MACROD1: variants seen among roughly 807,000 people sequenced by gnomAD.
MACROD1 encodes ADP-ribose glycohydrolase MACROD1.
MACROD1 carries 31 observed loss-of-function variants against 41.4 expected under a neutral mutation model. That is an observed-to-expected ratio of 0.75 (90% CI 0.56 to 1.01). MACROD1 has a LOEUF of 1.01. Among genes scored for constraint, MACROD1 ranks in the 50% least tolerant of loss-of-function variants. The pLI is 0.00. For synonymous variants in MACROD1, 252 were observed against 203.4 expected (o/e 1.24, Z -2.03); for missense variants, 473 against 460.0 (o/e 1.03, Z -0.26).
intron 1 of MACROD1, among the ~76,000 whole-genome samples, chr11:64,160,558 G>A (rs113956637): frequency 8.5e-5 from 13 of 152,212 alleles, no homozygotes; most frequent in Admixed American, 2.0e-4. Flanking sequence ...TAATCTCAGC[G>A]CTAGCACTTT....
chr11:64,011,584 G>T (rs1030793423), intron 4 of MACROD1, among the ~76,000 whole-genome samples: 1 of 151,960 alleles, frequency 6.6e-6, no homozygotes, highest in South Asian at 2.1e-4. Flanking sequence ...CCTGCCCTCG[G>T]GGGAGTCCAT....
At chr11:64,133,866 G>C (rs1365758561) in intron 3 of MACROD1, among the ~76,000 whole-genome samples, 2 of 152,230 alleles carry the variant, frequency 1.3e-5, no homozygotes, top group East Asian at 3.8e-4. Flanking sequence ...GACTACATGG[G>C]AGCGACAGCA....
chr11:64,159,254 G>A (rs1008972136), intron 1 of MACROD1, among the ~76,000 whole-genome samples: 3 of 150,282 alleles, frequency 2.0e-5, no homozygotes, highest in Non-Finnish European at 2.9e-5. Flanking sequence ...AGAAGGCGGA[G>A]GTTGCAGCGA....
intron 3 of MACROD1, among the ~76,000 whole-genome samples, chr11:64,142,118 AG>A (rs1193888757): frequency 6.6e-6 from 1 of 152,112 alleles, no homozygotes; most frequent in African/African-American, 2.4e-5. Flanking sequence ...TCAGGCCTAG[AG>A]GGGTGGGGTA....
chr11:64,023,409 G>T (rs1476231066), intron 3 of MACROD1, among the ~76,000 whole-genome samples: 1 of 152,120 alleles, frequency 6.6e-6, no homozygotes, highest in African/African-American at 2.4e-5. Flanking sequence ...TGAGGCCCTT[G>T]TGAGGCATAG....
At chr11:64,103,507 A>T (rs1443880192) in intron 3 of MACROD1, 1 of 151,728 alleles carries the variant, frequency 6.6e-6, no homozygotes, top group East Asian at 1.9e-4. Context: ...GAGCCTTTGG[A>T]GAGTGGCTCC....
rs1944575183 is a variant in MACROD1, at chr11:64,096,305, T to A, written c.517+54934A>T. ...CCGGCCTTGGCTGGTGGCGCCAGGT[T>A]CATCACCCCGAGCTTCCTCTAGGCT... On this transcript the variant is annotated intron_variant, in intron 3 of 10. Coordinates refer to ENST00000255681, the MANE Select transcript of MACROD1 (RefSeq NM_014067.4). The surrounding 1 kb of genome is among the most constrained non-coding windows in gnomAD (Gnocchi z 4.6). Among the ~76,000 whole-genome samples, 1 of 152,188 alleles carries A rather than the reference T, an allele frequency of 6.6e-6. No individual in the cohort carries two copies. Among genetic ancestry groups the A allele is most frequent in the African/African-American group, 2.4e-5 (1 of 41,456 alleles).
At chr11:64,095,253 C>T (rs755430827) in intron 3 of MACROD1, among the ~76,000 whole-genome samples, 5 of 152,164 alleles carry the variant, frequency 3.3e-5, no homozygotes, top group African/African-American at 7.2e-5. Flanking sequence ...GTCTCTCAGG[C>T]GCACTTTAAG....
intron 3 of MACROD1, among the ~76,000 whole-genome samples, chr11:64,113,884 AT>A (rs1944913297): frequency 6.1e-5 from 9 of 146,632 alleles, no homozygotes; most frequent in South Asian, 2.3e-4. Flanking sequence ...GGATGGATGG[AT>A]GGATGGATGG....
At chr11:64,066,933 G>T (rs1444545670) in intron 3 of MACROD1, among the ~76,000 whole-genome samples, 1 of 152,206 alleles carries the variant, frequency 6.6e-6, no homozygotes, top group Admixed American at 6.5e-5. Context: ...CCCAGCCCAG[G>T]TGCTGCCCGC....
chr11:64,044,531 G>A (rs1212647682), intron 3 of MACROD1, among the ~76,000 whole-genome samples: 2 of 152,138 alleles, frequency 1.3e-5, no homozygotes, highest in Non-Finnish European at 2.9e-5. Context: ...GAGACACTGC[G>A]CCTGCTCTCC....
chr11:64,143,753 T>TACACACACACACACACACACACAC (rs55995667), intron 3 of MACROD1, among the ~76,000 whole-genome samples: 7 of 101,670 alleles, frequency 6.9e-5, no homozygotes, highest in Admixed American at 3.2e-4. Flanking sequence ...GACACACACA[T>TACACACACACACACACACACACAC]ACACACACAC....
At chr11:64,159,727 G>A (rs1444724046) in intron 1 of MACROD1, among the ~76,000 whole-genome samples, 1 of 152,120 alleles carries the variant, frequency 6.6e-6, no homozygotes, top group African/African-American at 2.4e-5. Context: ...CCAGGAGGCA[G>A]AGGTTGTGGT....
intron 3 of MACROD1, among the ~76,000 whole-genome samples, chr11:64,143,820 G>C (rs1945452409): frequency 7.0e-6 from 1 of 143,444 alleles, no homozygotes; most frequent in South Asian, 2.2e-4. Flanking sequence ...GGGGGCTCTG[G>C]AGCTCGGCAA....
At chr11:64,021,758 T>C (rs185303798) in intron 3 of MACROD1, among the ~76,000 whole-genome samples, 1 of 151,764 alleles carries the variant, frequency 6.6e-6, no homozygotes, top group African/African-American at 2.4e-5. Context: ...CTCTGACAAG[T>C]GTGCAGCCAG....
At chr11:64,097,277 G>A (rs1944593941) in intron 3 of MACROD1, among the ~76,000 whole-genome samples, 1 of 152,258 alleles carries the variant, frequency 6.6e-6, no homozygotes, top group Admixed American at 6.5e-5. Flanking sequence ...GCTACGGTCT[G>A]CGCCCAATTT....
At chr11:64,081,521 G>C (rs1357780383) in intron 3 of MACROD1, among the ~76,000 whole-genome samples, 1 of 152,152 alleles carries the variant, frequency 6.6e-6, no homozygotes, top group Non-Finnish European at 1.5e-5. Context: ...GTGAACATCA[G>C]TGTAACACCC....
intron 3 of MACROD1, among the ~76,000 whole-genome samples, chr11:64,073,057 C>T (rs536206259): frequency 9.8e-5 from 15 of 152,312 alleles, no homozygotes; most frequent in African/African-American, 2.6e-4. Flanking sequence ...CAGCTCCTGA[C>T]GGCACAGAGC....
chr11:64,055,720 G>A (rs1943772904), intron 3 of MACROD1, among the ~76,000 whole-genome samples: 1 of 152,186 alleles, frequency 6.6e-6, no homozygotes, highest in South Asian at 2.1e-4. Flanking sequence ...GATGGATGAT[G>A]GGCCATGGGA....
Sources: gnomAD v4.1 joint callset for allele counts (sites outside exome capture counted in the v4.1 genomes callset) on GRCh38, gnomAD v4.1.1 for gene constraint, Gnocchi (gnomAD v3.1) non-coding constraint, MANE v1.5 for transcripts, NCBI Gene and HGNC (gene_info 2026-07-23, HGNC 2026-07-21) for gene names.